The following PRUNE2 variants were observed in gnomAD, a reference collection of about 807,000 sequenced individuals.
The protein encoded by PRUNE2 is prune homolog 2 with BCH domain, also known as protein prune homolog 2.
PRUNE2 carries 164 observed loss-of-function variants against 252.0 expected under a neutral mutation model. The observed-to-expected ratio is 0.65, with a 90% CI of 0.57 to 0.74. PRUNE2 has a LOEUF of 0.74. Among genes scored for constraint, PRUNE2 ranks in the 30% least tolerant of loss-of-function variants. The pLI, the probability that PRUNE2 is intolerant of heterozygous loss-of-function variation, is 0.00. For missense variants in PRUNE2, 3,495 were observed against 3,711.0 expected (o/e 0.94, Z 1.51); for synonymous variants, 1,292 against 1,350.2 (o/e 0.96, Z 0.94).
chr9:76,813,034 C>A (rs2057460551), intron 6 of PRUNE2, among the ~76,000 whole-genome samples: 1 of 152,176 alleles, frequency 6.6e-6, no homozygotes, highest in Admixed American at 6.5e-5. Flanking sequence ...TTCTTGGGGT[C>A]ATTTACATCT....
intron 9 of PRUNE2, among the ~76,000 whole-genome samples, chr9:76,682,240 A>C (rs1023672876): frequency 1.3e-5 from 2 of 151,946 alleles, no homozygotes; most frequent in Non-Finnish European, 2.9e-5. Context: ...TTCATTATAA[A>C]AACATAGTTT....
intron 4 of PRUNE2, among the ~76,000 whole-genome samples, chr9:76,843,967 A>C (rs989108476): frequency 3.9e-5 from 6 of 152,158 alleles, no homozygotes; most frequent in Non-Finnish European, 8.8e-5. Context: ...ACCTTAAGTG[A>C]TCTGCCCTCC....
At chr9:76,900,934 C>T (rs1237901697) in intron 1 of PRUNE2, among the ~76,000 whole-genome samples, 1 of 152,148 alleles carries the variant, frequency 6.6e-6, no homozygotes. Flanking sequence ...ATAAATGTTA[C>T]ACAGAAACAA....
At chr9:76,797,259 T>C (rs60390325) in intron 6 of PRUNE2, among the ~76,000 whole-genome samples, 14,657 of 151,884 alleles carry the variant, frequency 0.097, 1,373 homozygotes, top group African/African-American at 0.23. Context: ...TGAAAAAAAA[T>C]ATTTCTATAG....
chr9:76,737,043 G>A (rs1184621656), intron 6 of PRUNE2: 1 of 152,120 alleles, frequency 6.6e-6, no homozygotes, highest in African/African-American at 2.4e-5. Flanking sequence ...CCCCATTTCT[G>A]TTCGCACACA....
chr9:76,845,000 T>TAA (rs55754002), intron 4 of PRUNE2, among the ~76,000 whole-genome samples: 1,454 of 60,708 alleles, frequency 0.024, 67 homozygotes, highest in East Asian at 0.076. Flanking sequence ...CCCCCTCTCT[T>TAA]AAAAAAAAAA....
At chr9:76,647,366 C>T (rs1813125819) in intron 11 of PRUNE2, among the ~76,000 whole-genome samples, 1 of 152,114 alleles carries the variant, frequency 6.6e-6, no homozygotes, top group South Asian at 2.1e-4. Context: ...GGCCTTTGAT[C>T]CTTCACAAAA....
chr9:76,789,076 T>A (rs977880141), intron 6 of PRUNE2, among the ~76,000 whole-genome samples: 3 of 152,174 alleles, frequency 2.0e-5, no homozygotes, highest in Non-Finnish European at 4.4e-5. Context: ...TATTTTCAGA[T>A]GGACAATAGA....
intron 15 of PRUNE2, among the ~76,000 whole-genome samples, chr9:76,634,551 G>A (rs760699111): frequency 9.9e-5 from 15 of 152,168 alleles, no homozygotes; most frequent in Non-Finnish European, 2.1e-4. Context: ...TAAGGCAAAT[G>A]CTTCATCACA....
intron 2 of PRUNE2, among the ~76,000 whole-genome samples, chr9:76,853,746 A>G (rs893827880): frequency 3.3e-5 from 5 of 152,278 alleles, no homozygotes; most frequent in African/African-American, 1.2e-4. Context: ...CAGGACTATC[A>G]GCAAGGATGA....
intron 9 of PRUNE2, 126 bp from the exon 10 acceptor site, chr9:76,655,628 C>G (rs1010219872): frequency 1.4e-6 from 1 of 690,552 alleles, no homozygotes; most frequent in Non-Finnish European, 2.6e-6. Flanking sequence ...TGTATGGGGA[C>G]TGAATCCACT....
intron 11 of PRUNE2, among the ~76,000 whole-genome samples, chr9:76,650,429 T>C (rs1001797321): frequency 8.5e-5 from 13 of 152,164 alleles, no homozygotes; most frequent in African/African-American, 2.9e-4. Flanking sequence ...GTTTAGAATG[T>C]ACATTCCTGG....
chr9:76,709,691 A>C lies in PRUNE2; in HGVS notation c.2583T>G (p.Ala861=), dbSNP rs746187070. The C allele has an allele frequency of 1.9e-6, 3 of 1,613,958 alleles. No individual in the cohort carries two copies. The highest frequency in any genetic ancestry group is 4.5e-5 in the East Asian group (2 of 44,878). ...NSPSEINNEA[A]PEIWGKKNND... ...TGTTTTTCTTGCCCCAGATTTCTGGAGCTGCTTCATTGTTTATCTCACTGG... is the reference window on the plus strand; with the variant it reads ...TGTTTTTCTTGCCCCAGATTTCTGGCGCTGCTTCATTGTTTATCTCACTGG... Residue 861 remains alanine, a synonymous_variant, in exon 8 of 19, where the codon GCT becomes GCG. Coordinates refer to ENST00000376718, the MANE Select transcript of PRUNE2 (RefSeq NM_015225.3).
intron 6 of PRUNE2, among the ~76,000 whole-genome samples, chr9:76,776,234 C>G (rs139404183): frequency 6.6e-6 from 1 of 152,156 alleles, no homozygotes; most frequent in Non-Finnish European, 1.5e-5. Context: ...GTAGCCATCA[C>G]CTGAATAGCA....
intron 2 of PRUNE2, among the ~76,000 whole-genome samples, chr9:76,852,238 G>A (rs757552192): frequency 4.3e-4 from 66 of 152,144 alleles, no homozygotes; most frequent in Admixed American, 1.0e-3. Context: ...CGCTAATACC[G>A]AACCACAATT....
intron 1 of PRUNE2, among the ~76,000 whole-genome samples, chr9:76,894,886 C>T (rs1177893202): frequency 2.0e-5 from 3 of 151,872 alleles, no homozygotes; most frequent in East Asian, 1.9e-4. Flanking sequence ...ATTAGCTGGG[C>T]GTGATGGCGC....
intron 6 of PRUNE2, among the ~76,000 whole-genome samples, chr9:76,798,423 C>G (rs1379328831): frequency 1.3e-5 from 2 of 152,166 alleles, no homozygotes; most frequent in African/African-American, 4.8e-5. Flanking sequence ...CACTTAGCCT[C>G]AAGTCCTCAA....
intron 17 of PRUNE2, among the ~76,000 whole-genome samples, chr9:76,620,576 A>G (rs1831845789): frequency 6.6e-6 from 1 of 152,216 alleles, no homozygotes; most frequent in African/African-American, 2.4e-5. Flanking sequence ...AAGAGGATCC[A>G]TGATGAAGGT....
chr9:76,647,610 A>G (rs562576916), intron 11 of PRUNE2, among the ~76,000 whole-genome samples: 1 of 152,344 alleles, frequency 6.6e-6, no homozygotes, highest in African/African-American at 2.4e-5. Flanking sequence ...CTGGGAGAAA[A>G]CATTTGCAAA....
Sources: allele counts gnomAD v4.1 joint callset (sites outside exome capture counted in the v4.1 genomes callset), GRCh38; gene constraint gnomAD v4.1.1; transcripts MANE v1.5; gene names NCBI Gene and HGNC (gene_info 2026-07-23, HGNC 2026-07-21).